The following ZBTB10 variants were observed in gnomAD, a reference collection of about 807,000 sequenced individuals.
The protein encoded by ZBTB10 is zinc finger and BTB domain containing 10.
In ZBTB10, 32 loss-of-function variants were observed where a neutral mutation model predicts 76.4. The observed-to-expected ratio is 0.42, with a 90% confidence interval of 0.32 to 0.56. The LOEUF (loss-of-function observed/expected upper bound fraction) is 0.56, where lower values mean the gene tolerates loss of function less well. Ranked by LOEUF, ZBTB10 falls within the 20% of genes least tolerant of loss-of-function variation. The probability of loss-of-function intolerance (pLI) is 0.14; values close to 1 mark genes in which losing one functional copy is unlikely to be tolerated. For synonymous variants in ZBTB10, 523 were observed against 432.9 expected (o/e 1.21, Z -2.58); for missense variants, 1,057 against 1,098.5 (o/e 0.96, Z 0.53).
chr8:80,493,723 G>T (rs113685300), intron 1 of ZBTB10, among the ~76,000 whole-genome samples: 2 of 151,820 alleles, frequency 1.3e-5, no homozygotes, highest in Admixed American at 1.3e-4. Flanking sequence ...CCAGCTACTC[G>T]GGAGGCTGAG....
chr8:80,492,041 G>A lies in ZBTB10; in HGVS notation c.972+4259G>A, dbSNP rs1301220699. Among the ~76,000 whole-genome samples, 118 of 152,182 alleles carry A rather than the reference G, an allele frequency of 7.8e-4. 1 individual carries two copies. The highest frequency in any genetic ancestry group is 1.6e-4 in the Non-Finnish European group (11 of 68,034). On this transcript the variant is annotated intron_variant, in intron 1 of 5. Transcript: ENST00000455036. The stretch of plus-strand genomic sequence containing the variant: ...ATTTGTTTATGGCAGAAATAAGGGC[G>A]GAAGGTTGGTTGGTTGGTTACTTGG...
At chr8:80,508,377 G>A (rs539276662) in intron 2 of ZBTB10, among the ~76,000 whole-genome samples, 34 of 152,146 alleles carry the variant, frequency 2.2e-4, no homozygotes, top group Non-Finnish European at 4.1e-4. Flanking sequence ...AACTTTCTGG[G>A]AACTCCAAAA....
chr8:80,515,292 G>C (rs1439322819), intron 3 of ZBTB10, among the ~76,000 whole-genome samples: 1 of 152,150 alleles, frequency 6.6e-6, no homozygotes, highest in East Asian at 1.9e-4. Context: ...TTTATTGATT[G>C]TTTCAATTTT....
Position 80,486,669 on chromosome 8 carries a change from G to T in ZBTB10, c.-142G>T. ...GCGAGCGCGAGCCGGGCTGCCGGGC[G>T]AGAGGGCGAGGCCGAGCCCCGCGAG... is the stretch of plus-strand genomic sequence containing the variant. On this transcript the variant is annotated 5_prime_UTR_variant, in exon 1 of 6. Transcript: ENST00000455036. 1 of 990,316 alleles carries T rather than the reference G, an allele frequency of 1.0e-6. No individual in the cohort carries two copies. The highest frequency in any genetic ancestry group is 1.2e-6 in the Non-Finnish European group (1 of 833,350). The allele number at this position is 990,316 out of a possible 1,614,324, so 61.3% of individuals were successfully genotyped here.
At chr8:80,485,930 C>A, upstream of ZBTB10, 1 of 1,513,626 alleles carries the variant, frequency 6.6e-7, no homozygotes, top group African/African-American at 1.4e-5. Flanking sequence ...CACTCGCCAG[C>A]TGTTTGTCCT....
intron 1 of ZBTB10, among the ~76,000 whole-genome samples, chr8:80,498,094 C>T (rs1815832775): frequency 6.6e-6 from 1 of 152,122 alleles, no homozygotes; most frequent in Non-Finnish European, 1.5e-5. Context: ...GACATGCACC[C>T]AAGTAAAGCT....
At chr8:80,500,504 A>G in intron 2 of ZBTB10, 122 bp downstream of exon 2, 1 of 1,028,718 alleles carries the variant, frequency 9.7e-7, no homozygotes, top group South Asian at 2.1e-5. Context: ...TGTTTACAAA[A>G]GAAGGGGGAA....
chr8:80,491,671 C>T (rs1815634610), intron 1 of ZBTB10, among the ~76,000 whole-genome samples: 1 of 152,170 alleles, frequency 6.6e-6, no homozygotes. Flanking sequence ...TTTTGAGTAA[C>T]AATTGACTAC....
At chr8:80,493,908 T>C (rs1233966120) in intron 1 of ZBTB10, among the ~76,000 whole-genome samples, 2 of 152,228 alleles carry the variant, frequency 1.3e-5, no homozygotes, top group Non-Finnish European at 2.9e-5. Context: ...CTGGGGATAG[T>C]ACTTAAGCTA....
At chr8:80,491,805 T>C (rs1474636652) in intron 1 of ZBTB10, among the ~76,000 whole-genome samples, 1 of 152,252 alleles carries the variant, frequency 6.6e-6, no homozygotes, top group African/African-American at 2.4e-5. Flanking sequence ...TTCTACCTAA[T>C]TGTGAAATTT....
rs1456452798 is a variant in ZBTB10, at chr8:80,486,460, C to G, written c.-351C>G. 7 of 984,972 alleles carry G rather than the reference C, an allele frequency of 7.1e-6. No homozygotes were observed. Among genetic ancestry groups the G allele is most frequent in the African/African-American group, 1.8e-5 (1 of 57,130 alleles). 61.0% of individuals were successfully genotyped at this position (984,972 alleles called of 1,614,324 possible). On this transcript the variant is annotated 5_prime_UTR_variant, in exon 1 of 6. Coordinates refer to ENST00000455036, the MANE Select transcript of ZBTB10 (RefSeq NM_001105539.3). ...GGGCAGCGGAGGGTCTCCCCGCACT[C>G]CGCTGCTCAACTTCGAAGGCCTCGC...
rs1473031734 is a variant in ZBTB10 at position 80,486,979 on chromosome 8, C to G, written c.169C>G (p.Pro57Ala). The change falls in exon 1 of 6, where the codon CCG becomes GCG. Residue 57 changes from proline to alanine, a missense_variant. Around this residue, in one of 5 missense-constraint regions of ZBTB10, gnomAD observed 556 missense variants for 451.7 expected, o/e 1.23. Transcript: ENST00000455036. The part of the protein sequence containing the change: ...PPPPAPPALQ[P>A]PNGRGADEEV... ...GCCGCCAGCGCCGCCCGCGCTTCAG[C>G]CGCCTAATGGGCGGGGGGCCGACGA... The G allele has an allele frequency of 6.6e-7, 1 of 1,512,992 alleles. No homozygotes were observed. Among genetic ancestry groups the G allele is most frequent in the Admixed American group, 2.1e-5 (1 of 48,378 alleles). 93.7% of individuals were successfully genotyped at this position (1,512,992 alleles called of 1,614,324 possible).
intron 1 of ZBTB10, among the ~76,000 whole-genome samples, chr8:80,487,996 A>AG (rs1486744882): frequency 1.3e-5 from 2 of 151,938 alleles, no homozygotes; most frequent in African/African-American, 4.8e-5. Context: ...TGTGGGGGGA[A>AG]GGGGATGGAA....
Position 80,520,197 on chromosome 8 carries a change from T to C in ZBTB10, c.*669T>C, listed in dbSNP as rs1369115382. On this transcript the variant is annotated 3_prime_UTR_variant, in exon 6 of 6. Coordinates refer to ENST00000455036, the MANE Select transcript of ZBTB10 (RefSeq NM_001105539.3). ...AACTAACTGACTTCCTCCATTCCCC[T>C]CTTCCTTTTTGACATGAATTTTACT... 1 of 152,510 alleles carries C rather than the reference T, an allele frequency of 6.6e-6. No homozygotes were observed. The highest frequency in any genetic ancestry group is 1.5e-5 in the Non-Finnish European group (1 of 67,956). The allele number at this position is 152,510 out of a possible 1,614,324, so 9.4% of individuals were successfully genotyped here.
At position 80,487,325 on chromosome 8, in the gene ZBTB10, A is replaced by G; in HGVS notation, c.515A>G (p.Glu172Gly). The change falls in exon 1 of 6, where the codon GAG (glutamate) becomes GGG (glycine). Residue 172 changes from glutamate (E) to glycine (G), a missense_variant. Glu to Gly is a moderately conservative substitution (Grantham distance 98). Around this residue, in one of 5 missense-constraint regions of ZBTB10, gnomAD observed 556 missense variants for 451.7 expected, o/e 1.23. Transcript: ENST00000455036. ...DLELDALEGK[E>G]LMQDGASLSD... Reference sequence around the variant, plus strand: ...GAGCTGGACGCGCTGGAGGGGAAGGAGTTGATGCAGGACGGCGCGTCCCTG... The same window carrying G: ...GAGCTGGACGCGCTGGAGGGGAAGGGGTTGATGCAGGACGGCGCGTCCCTG... 1 of 1,540,000 alleles carries G rather than the reference A, an allele frequency of 6.5e-7. No individual in the cohort carries two copies. Among genetic ancestry groups the G allele is most frequent in the Non-Finnish European group, 8.8e-7 (1 of 1,140,836 alleles).
At chr8:80,490,066 C>G (rs1815583889) in intron 1 of ZBTB10, among the ~76,000 whole-genome samples, 1 of 152,124 alleles carries the variant, frequency 6.6e-6, no homozygotes, top group Non-Finnish European at 1.5e-5. Flanking sequence ...TCTTCAGTCT[C>G]CAATTACCTA....
In ZBTB10 at chr8:80,518,921, T is replaced by C; in HGVS notation, c.2277T>C (p.Phe759=). Residue 759 remains phenylalanine, a synonymous_variant, in exon 5 of 6, where the codon TTT becomes TTC. Coordinates refer to ENST00000455036, the MANE Select transcript of ZBTB10 (RefSeq NM_001105539.3). ...SFSCDICGKL[F]TRREHVKRHS... Reference sequence around the variant, plus strand: ...GCTGTGATATTTGTGGAAAACTGTTTACTCGAAGAGAACATGTAAAAAGAC... The same window carrying C: ...GCTGTGATATTTGTGGAAAACTGTTCACTCGAAGAGAACATGTAAAAAGAC... 27 of 1,605,784 alleles carry C rather than the reference T, an allele frequency of 1.7e-5. No individual in the cohort carries two copies. Among genetic ancestry groups the C allele is most frequent in the Non-Finnish European group, 2.3e-5 (27 of 1,175,532 alleles).
In ZBTB10 at chr8:80,519,540, T is replaced by C. The variant is rs1233174476; in HGVS notation, c.*12T>C. The C allele has an allele frequency of 1.3e-6, 2 of 1,599,244 alleles. No individual in the cohort carries two copies. The highest frequency in any genetic ancestry group is 1.7e-4 in the Middle Eastern group (1 of 6,050). On this transcript the variant is annotated 3_prime_UTR_variant, in exon 6 of 6. Transcript: ENST00000455036. ...CTCTAGATGATTAACTGACCTACTA[T>C]ACTCCTCAAGGATGCTGCATTTGGA... is the stretch of plus-strand genomic sequence containing the variant.
intron 3 of ZBTB10, among the ~76,000 whole-genome samples, chr8:80,516,511 A>G (rs1048044718): frequency 2.6e-5 from 4 of 152,186 alleles, no homozygotes; most frequent in African/African-American, 7.2e-5. Context: ...GTTGACCTCC[A>G]CAGGCTACCA....
Sources: gnomAD v4.1 joint callset for allele counts (sites outside exome capture counted in the v4.1 genomes callset) on GRCh38, gnomAD v4.1.1 for gene constraint, gnomAD v4.1.1 regional missense constraint, MANE v1.5 for transcripts, NCBI Gene and HGNC (gene_info 2026-07-23, HGNC 2026-07-21) for gene names.